The following ASCC3 variants were observed in gnomAD, a reference collection of about 807,000 sequenced individuals.
ASCC3 encodes ASC-1 complex subunit P200.
ASCC3 carries 158 observed loss-of-function variants against 256.3 expected under a neutral mutation model. That is an observed-to-expected ratio of 0.62 (90% CI 0.54 to 0.70). ASCC3 has a LOEUF of 0.70. ASCC3 is among the 30% of genes least tolerant of loss of function. The pLI is 0.00. For synonymous variants in ASCC3, 948 were observed against 883.4 expected (o/e 1.07, Z -1.30); for missense variants, 2,259 against 2,626.0 (o/e 0.86, Z 3.05).
Position 100,552,545 on chromosome 6 carries a change from T to C in ASCC3, c.5551-12158A>G, listed in dbSNP as rs1501356. On this transcript the variant is annotated intron_variant, in intron 36 of 41. Coordinates refer to ENST00000369162, the MANE Select transcript of ASCC3 (RefSeq NM_006828.4). The stretch of plus-strand genomic sequence containing the variant: ...GTATCCTCTTGAACTGCAGATTTGA[T>C]ACTGTGAGCTTTAGTCTCCAATCTC... 0.012 allele frequency among the ~76,000 whole-genome samples: 1,861 copies of C among 152,152 alleles called. 85 individuals are homozygous for C. In the East Asian group the frequency reaches 0.14, roughly 12 times the overall value.
At chr6:100,730,399 A>G (rs1401989812) in intron 10 of ASCC3, among the ~76,000 whole-genome samples, 1 of 150,452 alleles carries the variant, frequency 6.6e-6, no homozygotes, top group Non-Finnish European at 1.5e-5. Flanking sequence ...TTAGTTGAAA[A>G]ATGTTTGGAA....
At chr6:100,665,667 G>A (rs1053048878) in intron 14 of ASCC3, among the ~76,000 whole-genome samples, 2 of 151,538 alleles carry the variant, frequency 1.3e-5, no homozygotes, top group Non-Finnish European at 2.9e-5. Context: ...TTGAACCCAG[G>A]AGGTGGAGGC....
intron 10 of ASCC3, among the ~76,000 whole-genome samples, chr6:100,730,124 G>C (rs4840145): frequency 0.94 from 142,627 of 151,686 alleles, 67,374 homozygotes; most frequent in South Asian, 0.99. Flanking sequence ...GTGCAGTACG[G>C]TGAGACCTCG....
At chr6:100,621,052 T>C (rs190899763) in intron 30 of ASCC3, among the ~76,000 whole-genome samples, 4 of 152,266 alleles carry the variant, frequency 2.6e-5, no homozygotes, top group Admixed American at 2.0e-4. Context: ...ATTCTTCAGA[T>C]GGGCGCGGTG....
At chr6:100,873,170 CAT>C (rs1205378593) in intron 1 of ASCC3, among the ~76,000 whole-genome samples, 6 of 151,878 alleles carry the variant, frequency 4.0e-5, no homozygotes, top group Admixed American at 2.6e-4. Flanking sequence ...TCTTCAGTGA[CAT>C]AGACAACATA....
At chr6:100,557,673 C>T (rs986871125) in intron 36 of ASCC3, among the ~76,000 whole-genome samples, 5 of 149,664 alleles carry the variant, frequency 3.3e-5, no homozygotes, top group East Asian at 2.0e-4. Flanking sequence ...ATAAAATGTG[C>T]CCCTTCATAG....
chr6:100,581,163 T>C (rs1273447374), intron 36 of ASCC3, among the ~76,000 whole-genome samples: 2 of 152,192 alleles, frequency 1.3e-5, no homozygotes, highest in Non-Finnish European at 2.9e-5. Context: ...CCACACTGAC[T>C]TCCACAATGG....
rs765170164 is a variant in ASCC3 at position 100,590,020 on chromosome 6, G to C, written c.5343C>G (p.Asn1781Lys). 4.3e-6 allele frequency: 7 copies of C among 1,613,460 alleles called. No individual in the cohort carries two copies. Among genetic ancestry groups the C allele is most frequent in the Non-Finnish European group, 5.9e-6 (7 of 1,179,680 alleles). The change falls in exon 35 of 42, where the codon AAC (asparagine) becomes AAG (lysine). Residue 1781 changes from asparagine to lysine, a missense_variant. Coordinates refer to ENST00000369162, the MANE Select transcript of ASCC3 (RefSeq NM_006828.4). ...NLGDVSHDSV[N>K]KFLSHLIEKS... ...TCTCAATCAGATGGGACAGAAACTT[G>C]TTCACAGAATCATGGCTCACATCAC...
In ASCC3 at chr6:100,725,584, A is replaced by G. The variant is rs1437101005; in HGVS notation, c.1857T>C (p.Asp619=). The change falls in exon 11 of 42, where the codon GAT becomes GAC. Residue 619 remains aspartate (D), a synonymous_variant. Coordinates refer to ENST00000369162, the MANE Select transcript of ASCC3 (RefSeq NM_006828.4). The stretch of plus-strand genomic sequence containing the variant: ...CTATGCTTTCTAATACTGGTCCTCT[A>G]TCTTCATGCAGCAAATGAACTTCAT... The part of the protein sequence containing the change: ...ILDEVHLLHE[D]RGPVLESIVA... 2.5e-6 allele frequency: 4 copies of G among 1,612,720 alleles called. No individual in the cohort carries two copies. Among genetic ancestry groups the G allele is most frequent in the African/African-American group, 2.7e-5 (2 of 74,832 alleles).
At chr6:100,857,365 TAATA>T (rs1320209257) in intron 3 of ASCC3, 3 of 152,202 alleles carry the variant, frequency 2.0e-5, no homozygotes, top group East Asian at 1.9e-4. Context: ...TTTTTACTCT[TAATA>T]AATAGAAGGT....
At chr6:100,674,746 C>A (rs1776923243) in intron 14 of ASCC3, among the ~76,000 whole-genome samples, 1 of 151,614 alleles carries the variant, frequency 6.6e-6, no homozygotes, top group Admixed American at 6.6e-5. Flanking sequence ...GATTCTCCTG[C>A]CTCAGCCTTC....
At chr6:100,723,904 T>TA (rs1779487698) in intron 11 of ASCC3, among the ~76,000 whole-genome samples, 2 of 130,524 alleles carry the variant, frequency 1.5e-5, no homozygotes, top group Admixed American at 1.7e-4. Flanking sequence ...ATATTTATAA[T>TA]TATATATATG....
intron 13 of ASCC3, among the ~76,000 whole-genome samples, chr6:100,699,218 T>C (rs967688720): frequency 6.6e-6 from 1 of 152,210 alleles, no homozygotes; most frequent in African/African-American, 2.4e-5. Context: ...AATTCTGATG[T>C]GTCGTGGGAC....
At chr6:100,578,315 C>G (rs1770990549) in intron 36 of ASCC3, among the ~76,000 whole-genome samples, 2 of 151,996 alleles carry the variant, frequency 1.3e-5, no homozygotes, top group African/African-American at 4.8e-5. Flanking sequence ...GTCTGTTACA[C>G]AGGTAAATTG....
At chr6:100,845,417 G>A (rs1030960926) in intron 4 of ASCC3, among the ~76,000 whole-genome samples, 1 of 152,102 alleles carries the variant, frequency 6.6e-6, no homozygotes, top group Non-Finnish European at 1.5e-5. Flanking sequence ...ATGAAATTTT[G>A]TTAGATTTTC....
intron 8 of ASCC3, among the ~76,000 whole-genome samples, chr6:100,792,553 T>C (rs1769402383): frequency 1.3e-5 from 2 of 151,958 alleles, no homozygotes; most frequent in Non-Finnish European, 2.9e-5. Context: ...AAAATCATCA[T>C]GGTCAATTAA....
intron 10 of ASCC3, among the ~76,000 whole-genome samples, chr6:100,748,602 T>C (rs922017850): frequency 6.6e-6 from 1 of 152,026 alleles, no homozygotes; most frequent in Non-Finnish European, 1.5e-5. Context: ...TCAGACACAG[T>C]TGAATCACCT....
chr6:100,560,613 C>A (rs1342356279), intron 36 of ASCC3, among the ~76,000 whole-genome samples: 1 of 152,046 alleles, frequency 6.6e-6, no homozygotes, highest in Non-Finnish European at 1.5e-5. Flanking sequence ...AACCTGGCAA[C>A]GTGGCAACTG....
intron 19 of ASCC3, 150 bp from the exon 20 acceptor site, chr6:100,650,864 C>T: frequency 4.5e-6 from 3 of 671,546 alleles, no homozygotes; most frequent in Non-Finnish European, 7.6e-6. Flanking sequence ...AATGATTTTT[C>T]CATAGGTAGC....
Sources: gnomAD v4.1 joint callset for allele counts (sites outside exome capture counted in the v4.1 genomes callset) on GRCh38, gnomAD v4.1.1 for gene constraint, MANE v1.5 for transcripts, NCBI Gene and HGNC (gene_info 2026-07-23, HGNC 2026-07-21) for gene names.